The following AFF2 variants were observed in gnomAD, a reference collection of about 807,000 sequenced individuals.
AFF2 encodes ALF transcription elongation factor 2.
A neutral mutation model predicts 76.9 loss-of-function variants in AFF2; 14 were observed. The ratio of observed to expected loss-of-function variants is 0.18; its 90% CI spans 0.12 to 0.28. The LOEUF (loss-of-function observed/expected upper bound fraction) is 0.28, where lower values mean the gene tolerates loss of function less well. Ranked by LOEUF, AFF2 falls within the 10% of genes least tolerant of loss-of-function variation. The pLI is 1.00. For synonymous variants in AFF2, 398 were observed against 366.7 expected (o/e 1.09, Z -0.98); for missense variants, 868 against 1,001.1 (o/e 0.87, Z 1.79).
At chrX:148,614,080 A>C (rs1703328418) in intron 1 of AFF2, among the ~76,000 whole-genome samples, 1 of 111,851 alleles carries the variant, frequency 8.9e-6, no homozygotes, top group African/African-American at 3.2e-5. Context: ...TAACAACTTA[A>C]TGGAGAGGCT....
intron 3 of AFF2, among the ~76,000 whole-genome samples, chrX:148,676,799 C>G (rs1557259524): frequency 1.8e-5 from 2 of 111,317 alleles, no homozygotes; most frequent in Non-Finnish European, 3.8e-5. Flanking sequence ...TCATGAGACA[C>G]AAGAGTCAGC....
In AFF2 at chrX:148,956,504, A is replaced by G. The variant is rs782334806; in HGVS notation, c.2459A>G (p.His820Arg). The G allele has an allele frequency of 8.3e-6, 10 of 1,212,078 alleles. No homozygotes were observed. The highest frequency in any genetic ancestry group is 4.3e-5 in the Admixed American group (2 of 46,091). ...LSRVPGHSSL[H>R]AAPAKPDHKE... ...AGAGTACCTGGCCACAGCTCACTCC[A>G]TGCAGCACCTGCCAAGCCAGACCAC... is the stretch of plus-strand genomic sequence containing the variant. The change falls in exon 11 of 21, where the codon CAT becomes CGT. Residue 820 changes from histidine (H) to arginine (R), a missense_variant. By Grantham distance (29) the His-to-Arg change is conservative (BLOSUM62 0). Transcript: ENST00000370460.
intron 3 of AFF2, among the ~76,000 whole-genome samples, chrX:148,786,988 A>G (rs782732416): frequency 2.7e-5 from 3 of 111,927 alleles, no homozygotes; most frequent in Non-Finnish European, 5.6e-5. Flanking sequence ...TAATGGGAGT[A>G]ATAAGCACTA....
chrX:148,580,708 A>G (rs1302398509), intron 1 of AFF2, among the ~76,000 whole-genome samples: 1 of 100,650 alleles, frequency 9.9e-6, no homozygotes, highest in Non-Finnish European at 2.0e-5. Context: ...AAACAAGTTC[A>G]TAACAGTTTT....
intron 3 of AFF2, among the ~76,000 whole-genome samples, chrX:148,705,019 C>T (rs928977259): frequency 9.0e-6 from 1 of 111,254 alleles, no homozygotes; most frequent in Non-Finnish European, 1.9e-5. Flanking sequence ...AAGTTCAAAA[C>T]CCTACCTTCA....
Position 148,654,058 on chromosome X carries a change from G to C in AFF2, c.180+1927G>C, listed in dbSNP as rs376403324. On this transcript the variant is annotated intron_variant, in intron 2 of 20. Transcript: ENST00000370460. ...GCCTACCATCACTGAAGAGATTATG[G>C]AGTAAAAAAGAGGACAAACAATTCT... 2.7e-5 allele frequency among the ~76,000 whole-genome samples: 3 copies of C among 111,103 alleles called. No individual in the cohort carries two copies. In the Admixed American group the frequency reaches 2.9e-4, roughly 11 times the overall value.
chrX:148,982,633 G>A (rs1392020242), intron 19 of AFF2, among the ~76,000 whole-genome samples: 1 of 112,110 alleles, frequency 8.9e-6, no homozygotes, highest in East Asian at 2.8e-4. Flanking sequence ...TAGCAATTGG[G>A]GAAGTCAGCT....
chrX:148,836,191 A>C lies in AFF2; in HGVS notation c.1087-1456A>C, dbSNP rs782436667. 1.0e-3 allele frequency among the ~76,000 whole-genome samples: 113 copies of C among 112,495 alleles called. 1 individual carries two copies. The highest frequency in any genetic ancestry group is 4.7e-3 in the Middle Eastern group (1 of 215). On this transcript the variant is annotated intron_variant, in intron 4 of 20. Coordinates refer to ENST00000370460, the MANE Select transcript of AFF2 (RefSeq NM_002025.4). ...AACACTTGGAAGTAGTCTATCTCTT[A>C]AGTAGGTTAAGCATCTCCTCTAAAT...
intron 3 of AFF2, among the ~76,000 whole-genome samples, chrX:148,698,797 G>GTTTTTTTTTTTTTTT (rs142604433): frequency 7.0e-5 from 5 of 71,691 alleles, no homozygotes; most frequent in Non-Finnish European, 8.1e-5. Flanking sequence ...GAGTTCTAGT[G>GTTTTTTTTTTTTTTT]TTTTTTTTTT....
chrX:148,535,576 C>T lies in AFF2; in HGVS notation c.47+34432C>T, dbSNP rs1292439244. On this transcript the variant is annotated intron_variant, in intron 1 of 20. Coordinates refer to ENST00000370460, the MANE Select transcript of AFF2 (RefSeq NM_002025.4). Reference sequence around the variant, plus strand: ...TCTCTACTCAAGGCGGCATTCAGGCCCTGTGCCGGGCATTGTAACAAGAAA... The same window carrying T: ...TCTCTACTCAAGGCGGCATTCAGGCTCTGTGCCGGGCATTGTAACAAGAAA... Among the ~76,000 whole-genome samples the T allele has an allele frequency of 2.7e-5, 3 of 112,515 alleles. No homozygotes were observed. In the Admixed American group the frequency reaches 2.8e-4, roughly 11 times the overall value.
At chrX:148,648,296 C>G (rs1309185192) in intron 1 of AFF2, among the ~76,000 whole-genome samples, 1 of 111,078 alleles carries the variant, frequency 9.0e-6, no homozygotes, top group Non-Finnish European at 1.9e-5. Context: ...TGCAGTGGCT[C>G]ATGCCTGTAA....
chrX:148,872,044 C>T (rs952033460), intron 7 of AFF2, among the ~76,000 whole-genome samples: 11 of 111,197 alleles, frequency 9.9e-5, no homozygotes, highest in African/African-American at 3.6e-4. Context: ...GCTTTGGAAT[C>T]AGGCCACTGT....
chrX:148,570,400 G>A (rs782012118), intron 1 of AFF2, among the ~76,000 whole-genome samples: 7 of 112,165 alleles, frequency 6.2e-5, no homozygotes, highest in Non-Finnish European at 1.1e-4. Flanking sequence ...ATCAAGATTT[G>A]AAGTCTCATA....
In AFF2 at chrX:148,997,229, T is replaced by C; in HGVS notation, c.*5897T>C. On this transcript the variant is annotated 3_prime_UTR_variant, in exon 21 of 21. Transcript: ENST00000370460. ...TTTTTCCACCCAGTACGAAGAAAACTAAGCTCAGTAACAAGAAGGCATAAA... is the reference window on the plus strand; with the variant it reads ...TTTTTCCACCCAGTACGAAGAAAACCAAGCTCAGTAACAAGAAGGCATAAA... 1 of 111,774 alleles carries C rather than the reference T, an allele frequency of 8.9e-6. No individual in the cohort carries two copies. Among genetic ancestry groups the C allele is most frequent in the Middle Eastern group, 4.6e-3 (1 of 218 alleles). 9.2% of individuals were successfully genotyped at this position (111,774 alleles called of 1,213,427 possible). A position where few individuals can be genotyped will look rare whatever the true frequency, so the allele number is the denominator to read the frequency against.
chrX:148,772,244 A>G (rs1023030740), intron 3 of AFF2, among the ~76,000 whole-genome samples: 4 of 112,393 alleles, frequency 3.6e-5, no homozygotes, highest in African/African-American at 9.7e-5. Flanking sequence ...TGTTTCTGAA[A>G]TGAAATAGAA....
At chrX:148,622,566 T>C (rs782257521) in intron 1 of AFF2, among the ~76,000 whole-genome samples, 1 of 111,741 alleles carries the variant, frequency 8.9e-6, no homozygotes, top group Non-Finnish European at 1.9e-5. Flanking sequence ...ACCAGCTGAC[T>C]GGGGACCATA....
At chrX:148,553,217 C>T (rs1034187749) in intron 1 of AFF2, among the ~76,000 whole-genome samples, 16 of 111,677 alleles carry the variant, frequency 1.4e-4, no homozygotes, top group African/African-American at 5.2e-4. Flanking sequence ...GTAACTGCTA[C>T]CCAAAACAAG....
At chrX:148,540,662 A>G (rs1222930689) in intron 1 of AFF2, among the ~76,000 whole-genome samples, 1 of 110,753 alleles carries the variant, frequency 9.0e-6, no homozygotes, top group African/African-American at 3.3e-5. Flanking sequence ...TCAGGCCACT[A>G]GGGTCCCATT....
At chrX:148,559,995 T>C (rs189565064) in intron 1 of AFF2, among the ~76,000 whole-genome samples, 1 of 112,371 alleles carries the variant, frequency 8.9e-6, no homozygotes, top group East Asian at 2.8e-4. Context: ...GGTATCTCAT[T>C]GTGGTTTTTA....
Sources: gnomAD v4.1 joint callset for allele counts (sites outside exome capture counted in the v4.1 genomes callset) on GRCh38, gnomAD v4.1.1 for gene constraint, MANE v1.5 for transcripts, NCBI Gene and HGNC (gene_info 2026-07-23, HGNC 2026-07-21) for gene names.